The following FLNB variants were observed in gnomAD, a reference collection of about 807,000 sequenced individuals.
The protein encoded by FLNB is filamin-B.
A neutral mutation model predicts 250.6 loss-of-function variants in FLNB; 111 were observed. That is an observed-to-expected ratio of 0.44 (90% CI 0.38 to 0.52). FLNB has a LOEUF of 0.52. Ranked by LOEUF, FLNB falls within the 20% of genes least tolerant of loss-of-function variation. The pLI, the probability that FLNB is intolerant of heterozygous loss-of-function variation, is 0.00. For synonymous variants in FLNB, 1,302 were observed against 1,372.1 expected (o/e 0.95, Z 1.13); for missense variants, 2,869 against 3,447.8 (o/e 0.83, Z 4.20).
rs547946610 is a variant in FLNB at position 58,102,029 on chromosome 3, C to A, written c.1346-174C>A. On this transcript the variant is annotated intron_variant, in intron 8 of 45. Coordinates refer to ENST00000295956, the MANE Select transcript of FLNB (RefSeq NM_001457.4). ...GTCACTGGACAAAGTTATATTGTGT[C>A]TGTATTTGCTAGCCTGGTGTGCTCC... 2.0e-5 allele frequency among the ~76,000 whole-genome samples: 3 copies of A among 152,350 alleles called. No individual in the cohort carries two copies. In the South Asian group the frequency reaches 6.2e-4, roughly 32 times the overall value.
In FLNB at chr3:58,122,326, C is replaced by G. The variant is rs552588464; in HGVS notation, c.3127-767C>G. Among the ~76,000 whole-genome samples, 3 of 151,818 alleles carry G rather than the reference C, an allele frequency of 2.0e-5. No individual in the cohort carries two copies. The East Asian group carries it at 5.8e-4, about 29-fold the overall frequency. On this transcript the variant is annotated intron_variant, in intron 20 of 45. Transcript: ENST00000295956. ...TGGCCAACATGGTGAAACCCCATCT[C>G]TACTAAAAATACAAAGATTAGCTGG...
intron 4 of FLNB, among the ~76,000 whole-genome samples, chr3:58,091,197 T>G (rs2097226675): frequency 6.6e-6 from 1 of 152,218 alleles, no homozygotes; most frequent in South Asian, 2.1e-4. Context: ...AAGATTATTA[T>G]TTTAAAACCT....
chr3:58,155,168 A>G (rs993040885), intron 40 of FLNB, among the ~76,000 whole-genome samples: 4 of 152,086 alleles, frequency 2.6e-5, no homozygotes, highest in African/African-American at 4.8e-5. Flanking sequence ...CTTTCATTCA[A>G]TTGCTCCATT....
At chr3:58,101,576 A>G (rs1340768916) in intron 8 of FLNB, among the ~76,000 whole-genome samples, 1 of 152,206 alleles carries the variant, frequency 6.6e-6, no homozygotes, top group Middle Eastern at 3.2e-3. Flanking sequence ...AATGGTGTTT[A>G]CTGCTAATTA....
chr3:58,115,316 G>A (rs547384052), intron 18 of FLNB, among the ~76,000 whole-genome samples: 8 of 152,268 alleles, frequency 5.3e-5, no homozygotes, highest in South Asian at 4.2e-4. Context: ...AGCTGTCTGC[G>A]TACAATGACT....
chr3:58,155,374 A>G (rs1158120976), intron 40 of FLNB, among the ~76,000 whole-genome samples: 2 of 152,264 alleles, frequency 1.3e-5, no homozygotes, highest in African/African-American at 4.8e-5. Flanking sequence ...GAAATATGTC[A>G]CATTATAAAA....
intron 43 of FLNB, chr3:58,166,162 G>C (rs1318554908): frequency 6.6e-6 from 1 of 152,152 alleles, no homozygotes; most frequent in Non-Finnish European, 1.5e-5. Context: ...GGCTTGTTTG[G>C]AGCTGTAGAG....
chr3:58,050,505 A>G (rs2097160679), intron 1 of FLNB, among the ~76,000 whole-genome samples: 1 of 152,166 alleles, frequency 6.6e-6, no homozygotes, highest in Non-Finnish European at 1.5e-5. Context: ...GGCAGTTTCA[A>G]TCATGGACTG....
intron 1 of FLNB, among the ~76,000 whole-genome samples, chr3:58,031,294 G>A (rs1191134317): frequency 1.3e-5 from 2 of 152,070 alleles, no homozygotes; most frequent in African/African-American, 2.4e-5. Flanking sequence ...CCAGGCTGGA[G>A]TGCAGTGTTG....
intron 1 of FLNB, among the ~76,000 whole-genome samples, chr3:58,045,436 T>C (rs944490235): frequency 2.0e-5 from 3 of 152,272 alleles, no homozygotes; most frequent in African/African-American, 7.2e-5. Context: ...CACAAATTCG[T>C]AAACTTTCTT....
chr3:58,148,379 C>T lies in FLNB; in HGVS notation c.5887+15C>T, dbSNP rs757742049. 28 of 1,611,598 alleles carry T rather than the reference C, an allele frequency of 1.7e-5. No individual in the cohort carries two copies. Among genetic ancestry groups the T allele is most frequent in the Non-Finnish European group, 2.3e-5 (27 of 1,179,010 alleles). ...CAACCACATTGGTGAGCTAGGCTAC[C>T]CTTCCTGGCTGGAGCCAGGACATCT... On this transcript the variant is annotated intron_variant, in intron 35 of 45. Transcript: ENST00000295956.
chr3:58,162,844 C>G (rs2097363983), intron 42 of FLNB: 1 of 373,174 alleles, frequency 2.7e-6, no homozygotes, highest in East Asian at 5.8e-5. Flanking sequence ...GGATTAGTAA[C>G]AGCATTCACA....
intron 22 of FLNB, among the ~76,000 whole-genome samples, chr3:58,124,967 C>T (rs545114908): frequency 1.9e-4 from 29 of 152,184 alleles, no homozygotes; most frequent in Admixed American, 1.7e-3. Context: ...TCACGGGTTT[C>T]GCTTTTTCTT....
intron 40 of FLNB, among the ~76,000 whole-genome samples, chr3:58,155,301 T>G (rs2097351619): frequency 6.6e-6 from 1 of 152,266 alleles, no homozygotes; most frequent in Non-Finnish European, 1.5e-5. Flanking sequence ...TGCCATTGAC[T>G]CTTGCCATCT....
Position 58,105,204 on chromosome 3 carries a change from G to C in FLNB, c.1735G>C (p.Val579Leu). ...DFVVESIGSE[V>L]GSLGFAIEGP... ...CGTGGTAGAATCCATTGGCTCTGAA[G>C]TGGGGTCTCTGGGTAAGTGGACACA... The change falls in exon 11 of 46, where the codon GTG becomes CTG. Residue 579 changes from valine (V) to leucine (L), a missense_variant. By Grantham distance (32) the Val-to-Leu change is conservative (BLOSUM62 1). Around this residue, in one of 5 missense-constraint regions of FLNB, gnomAD observed 1,348 missense variants for 1,466.7 expected, o/e 0.92. Coordinates refer to ENST00000295956, the MANE Select transcript of FLNB (RefSeq NM_001457.4). 1 of 1,614,200 alleles carries C rather than the reference G, an allele frequency of 6.2e-7. No homozygotes were observed. The highest frequency in any genetic ancestry group is 8.5e-7 in the Non-Finnish European group (1 of 1,180,026).
chr3:58,151,413 AAAG>A (rs1221911249), intron 38 of FLNB: 1 of 150,936 alleles, frequency 6.6e-6, no homozygotes, highest in South Asian at 2.1e-4. Flanking sequence ...AAAAAAAAAA[AAAG>A]AGCTGTACTG....
chr3:58,045,818 G>A (rs1420707256), intron 1 of FLNB, among the ~76,000 whole-genome samples: 2 of 151,994 alleles, frequency 1.3e-5, no homozygotes, highest in Admixed American at 6.6e-5. Context: ...CGGCCAACAT[G>A]GTGAAACCCT....
At chr3:58,072,510 C>T (rs955608155) in intron 1 of FLNB, among the ~76,000 whole-genome samples, 5 of 152,182 alleles carry the variant, frequency 3.3e-5, no homozygotes, top group East Asian at 1.9e-4. Flanking sequence ...GATGGTCAGA[C>T]GTTGTTGACC....
In FLNB at chr3:58,036,686, G is replaced by A. The variant is rs542376039; in HGVS notation, c.292+27830G>A. 5.8e-4 allele frequency among the ~76,000 whole-genome samples: 89 copies of A among 152,320 alleles called. 1 individual carries two copies. The highest frequency in any genetic ancestry group is 2.1e-3 in the African/African-American group (86 of 41,574). On this transcript the variant is annotated intron_variant, in intron 1 of 45. Coordinates refer to ENST00000295956, the MANE Select transcript of FLNB (RefSeq NM_001457.4). ...TAATTTCTAATCTTGTAGCTAATTTGTTAGTCCTACAAAGGCAGACTGCTC... is the reference window on the plus strand; with the variant it reads ...TAATTTCTAATCTTGTAGCTAATTTATTAGTCCTACAAAGGCAGACTGCTC...
Sources: gnomAD v4.1 joint callset for allele counts (sites outside exome capture counted in the v4.1 genomes callset) on GRCh38, gnomAD v4.1.1 for gene constraint, gnomAD v4.1.1 regional missense constraint, MANE v1.5 for transcripts, NCBI Gene and HGNC (gene_info 2026-07-23, HGNC 2026-07-21) for gene names.